FRMPD1: variants seen among roughly 807,000 people sequenced by gnomAD.
The protein encoded by FRMPD1 is FERM and PDZ domain-containing protein 1.
A neutral mutation model predicts 117.8 loss-of-function variants in FRMPD1; 76 were observed. That is an observed-to-expected ratio of 0.65 (90% CI 0.54 to 0.78). The LOEUF (loss-of-function observed/expected upper bound fraction) is 0.78. FRMPD1 is among the 30% of genes least tolerant of loss of function. The probability of loss-of-function intolerance (pLI) is 0.00; values close to 1 mark genes in which losing one functional copy is unlikely to be tolerated. For missense variants in FRMPD1, 1,786 were observed against 1,964.5 expected (o/e 0.91, Z 1.72); for synonymous variants, 783 against 770.4 (o/e 1.02, Z -0.27).
chr9:37,643,299 AT>A, the FRMPD1 span, among the ~76,000 whole-genome samples: 2 of 151,434 alleles, frequency 1.3e-5, no homozygotes, highest in Non-Finnish European at 2.9e-5. Context: ...CTCCTTTGTT[AT>A]TTTTTTCCTC....
At chr9:37,667,078 T>C (rs1476502647) in intron 1 of FRMPD1, among the ~76,000 whole-genome samples, 4 of 149,358 alleles carry the variant, frequency 2.7e-5, no homozygotes, top group Non-Finnish European at 5.9e-5. Flanking sequence ...TTTTTTTTTT[T>C]CCTGAGACAG....
chr9:37,658,518 G>A (rs986720473), intron 1 of FRMPD1, among the ~76,000 whole-genome samples: 2 of 152,114 alleles, frequency 1.3e-5, no homozygotes, highest in Non-Finnish European at 2.9e-5. Context: ...GAACAGTTCT[G>A]GAGGCCAGAA....
intron 1 of FRMPD1, among the ~76,000 whole-genome samples, chr9:37,667,062 C>CGTTTTTTTTTTTTT (rs1821182548): frequency 9.0e-6 from 1 of 111,054 alleles, no homozygotes; most frequent in Admixed American, 9.7e-5. Flanking sequence ...TTGAAGCATG[C>CGTTTTTTTTTTTTT]TTTTTTTTTT....
At chr9:37,609,580 T>C in the FRMPD1 span, among the ~76,000 whole-genome samples, 14 of 152,334 alleles carry the variant, frequency 9.2e-5, no homozygotes, top group African/African-American at 3.4e-4. Flanking sequence ...GTTACTTCCC[T>C]GCTTCAAACC....
At chr9:37,655,749 C>T (rs1030542044) in intron 1 of FRMPD1, among the ~76,000 whole-genome samples, 4 of 151,954 alleles carry the variant, frequency 2.6e-5, no homozygotes, top group Admixed American at 1.3e-4. Flanking sequence ...GTGATCCACC[C>T]GCCTCGGCCT....
intron 8 of FRMPD1, 48 bp from the exon 9 acceptor site, chr9:37,730,936 G>T: frequency 6.2e-7 from 1 of 1,605,730 alleles, no homozygotes; most frequent in South Asian, 1.1e-5. Flanking sequence ...ATGACTGCAA[G>T]GACAAAGGCA....
chr9:37,631,845 C>T, the FRMPD1 span, among the ~76,000 whole-genome samples: 3 of 152,122 alleles, frequency 2.0e-5, no homozygotes, highest in Non-Finnish European at 2.9e-5. Flanking sequence ...CTCAAGTGAT[C>T]CTCCCACCTT....
At position 37,693,573 on chromosome 9, in the gene FRMPD1, C is replaced by T. The variant is rs555704074; in HGVS notation, c.101+831C>T. ...CCTTTTACAGATGAAACACCTAAGG[C>T]TCATAGAGTGACTTGTTTAGGACCA... On this transcript the variant is annotated intron_variant, in intron 2 of 15. Coordinates refer to ENST00000377765, the MANE Select transcript of FRMPD1 (RefSeq NM_014907.3). Among the ~76,000 whole-genome samples, 27 of 152,304 alleles carry T rather than the reference C, an allele frequency of 1.8e-4. 1 individual carries two copies. Among genetic ancestry groups the T allele is most frequent in the South Asian group, 1.0e-3 (5 of 4,818 alleles).
chr9:37,726,537 A>G (rs1349626212), intron 7 of FRMPD1, among the ~76,000 whole-genome samples: 1 of 151,994 alleles, frequency 6.6e-6, no homozygotes, highest in Admixed American at 6.6e-5. Context: ...GTCTCTACTA[A>G]TAATACAAAA....
chr9:37,620,355 T>G, the FRMPD1 span, among the ~76,000 whole-genome samples: 2 of 152,144 alleles, frequency 1.3e-5, no homozygotes, highest in Non-Finnish European at 2.9e-5. Flanking sequence ...GCAGATGCCT[T>G]AATTACCAAG....
chr9:37,615,976 C>A, the FRMPD1 span, among the ~76,000 whole-genome samples: 1 of 151,918 alleles, frequency 6.6e-6, no homozygotes, highest in East Asian at 1.9e-4. Context: ...TCATGCCCAG[C>A]TTGTTTTTTT....
intron 3 of FRMPD1, 44 bp downstream of exon 3, chr9:37,707,617 G>T (rs779088681): frequency 1.3e-6 from 2 of 1,519,964 alleles, no homozygotes; most frequent in African/African-American, 2.8e-5. Context: ...GGTTTCTTAA[G>T]GGGAAATAGC....
At chr9:37,637,893 A>G in the FRMPD1 span, among the ~76,000 whole-genome samples, 1 of 151,188 alleles carries the variant, frequency 6.6e-6, no homozygotes, top group African/African-American at 2.4e-5. Flanking sequence ...GAGATCACTG[A>G]GTGTTAGCTT....
At chr9:37,671,346 C>A (rs1453175458) in intron 1 of FRMPD1, among the ~76,000 whole-genome samples, 2 of 152,062 alleles carry the variant, frequency 1.3e-5, no homozygotes, top group African/African-American at 4.8e-5. Flanking sequence ...GTTATGACTT[C>A]TAGTATTTGT....
In FRMPD1 at chr9:37,709,882, C is replaced by G. The variant is rs1206739191; in HGVS notation, c.362+1381C>G. ...AGCATGTTTCAGTGTGATTCTCCCCCTGGAAGGGCGAGCAGTTGAAGGCTT... is the reference window on the plus strand; with the variant it reads ...AGCATGTTTCAGTGTGATTCTCCCCGTGGAAGGGCGAGCAGTTGAAGGCTT... On this transcript the variant is annotated intron_variant, in intron 4 of 15. Transcript: ENST00000377765. Among the ~76,000 whole-genome samples the G allele has an allele frequency of 2.0e-5, 3 of 152,192 alleles. 1 individual carries two copies. The East Asian group carries it at 5.8e-4, about 29-fold the overall frequency.
At chr9:37,665,641 C>A (rs1270446443) in intron 1 of FRMPD1, among the ~76,000 whole-genome samples, 1 of 152,146 alleles carries the variant, frequency 6.6e-6, no homozygotes, top group Non-Finnish European at 1.5e-5. Context: ...CTGCGTTAGA[C>A]CTAAAAATGT....
intron 1 of FRMPD1, among the ~76,000 whole-genome samples, chr9:37,662,494 G>A (rs921247092): frequency 1.3e-5 from 2 of 152,206 alleles, no homozygotes; most frequent in Non-Finnish European, 2.9e-5. Flanking sequence ...CAAATAAGAA[G>A]TCAGCATCAT....
intron 1 of FRMPD1, among the ~76,000 whole-genome samples, chr9:37,652,691 A>G (rs568085292): frequency 5.9e-5 from 9 of 152,306 alleles, no homozygotes; most frequent in Admixed American, 5.9e-4. Context: ...GACGCATTCA[A>G]ATGCCACCAG....
the FRMPD1 span, among the ~76,000 whole-genome samples, chr9:37,605,005 A>T: frequency 6.6e-6 from 1 of 152,272 alleles, no homozygotes; most frequent in Non-Finnish European, 1.5e-5. Context: ...GAGAGGTTAA[A>T]TATTCATCCA....
Sources: gnomAD v4.1 joint callset for allele counts (sites outside exome capture counted in the v4.1 genomes callset) on GRCh38, gnomAD v4.1.1 for gene constraint, MANE v1.5 for transcripts, NCBI Gene and HGNC (gene_info 2026-07-23, HGNC 2026-07-21) for gene names.